CDHR2: variants seen among roughly 807,000 people sequenced by gnomAD.
The protein encoded by CDHR2 is cadherin related family member 2.
Under a neutral mutation model 138.6 loss-of-function variants are expected in CDHR2, and 104 were observed. That is an observed-to-expected ratio of 0.75 (90% CI 0.64 to 0.88). CDHR2 has a LOEUF of 0.88. Ranked by LOEUF, CDHR2 falls within the 40% of genes least tolerant of loss-of-function variation. The pLI, the probability that CDHR2 is intolerant of heterozygous loss-of-function variation, is 0.00. For missense variants in CDHR2, 1,624 were observed against 1,727.6 expected, an observed-to-expected ratio of 0.94 and a Z score of 1.06; for synonymous variants, 755 against 742.8, an observed-to-expected ratio of 1.02 and a Z score of -0.27.
downstream of CDHR2, chr5:176,595,967 T>C (rs985112080): frequency 3.3e-5 from 9 of 276,032 alleles, no homozygotes; most frequent in African/African-American, 1.3e-4. Flanking sequence ...ACTGTGGTTA[T>C]AGAATGAGCT....
At chr5:176,581,218 C>T (rs1758520886) in intron 16 of CDHR2, 125 bp from the exon 17 acceptor site, 1 of 1,283,266 alleles carries the variant, frequency 7.8e-7, no homozygotes, top group Admixed American at 2.4e-5. Flanking sequence ...GAGATGGGCC[C>T]AGGGGCTCCA....
At chr5:176,546,156 G>A (rs955709365), upstream of CDHR2, among the ~76,000 whole-genome samples, 2 of 152,194 alleles carry the variant, frequency 1.3e-5, no homozygotes, top group Non-Finnish European at 2.9e-5. Context: ...AGCCACCAGC[G>A]ATGACTAGTG....
In CDHR2 at chr5:176,577,391, C is replaced by A. The variant is rs373539658; in HGVS notation, c.1195-8C>A. 2 of 1,604,166 alleles carry A rather than the reference C, an allele frequency of 1.2e-6. No individual in the cohort carries two copies. The highest frequency in any genetic ancestry group is 1.3e-5 in the African/African-American group (1 of 75,006). ...GACAGGTCCCTGCTAGACAGCCCAC[C>A]TTTACAGGGCAGCAATGGCACCTTC... On this transcript the variant is annotated splice_region_variant and splice_polypyrimidine_tract_variant and intron_variant, in intron 12 of 31. Coordinates refer to ENST00000261944, the MANE Select transcript of CDHR2 (RefSeq NM_017675.6).
chr5:176,559,799 C>T (rs1397318002), intron 1 of CDHR2, among the ~76,000 whole-genome samples: 1 of 152,138 alleles, frequency 6.6e-6, no homozygotes, highest in Non-Finnish European at 1.5e-5. Flanking sequence ...CATCTGGCCC[C>T]TCCCCCATCA....
In CDHR2 at chr5:176,553,128, G is replaced by A. The variant is rs1268029464; in HGVS notation, c.-16+3714G>A. ...AAGGGGCTGTAGGGGGAGGCGCCTC[G>A]GGGACTGGGTGAAGGTCCTGGTTCG... On this transcript the variant is annotated intron_variant, in intron 1 of 31. Transcript: ENST00000261944. This position sits in a 1 kb window ranked among gnomAD's most constrained non-coding sequence, Gnocchi z 4.3. Among the ~76,000 whole-genome samples the A allele has an allele frequency of 6.6e-6, 1 of 152,104 alleles. No homozygotes were observed. The highest frequency in any genetic ancestry group is 1.9e-4 in the East Asian group (1 of 5,190).
chr5:176,578,744 C>G (rs759478564), intron 16 of CDHR2, 136 bp downstream of exon 16: 58 of 1,236,918 alleles, frequency 4.7e-5, no homozygotes, highest in Non-Finnish European at 5.8e-5. Context: ...CTGTTTCCTC[C>G]CAGGAAATGA....
chr5:176,575,545 A>C lies in CDHR2; in HGVS notation c.808A>C (p.Lys270Gln). The change falls in exon 10 of 32, where the codon AAA becomes CAA. Residue 270 changes from lysine to glutamine, a missense_variant. Around this residue, in one of 3 missense-constraint regions of CDHR2, gnomAD observed 1,061 missense variants for 1,136.6 expected, o/e 0.93. Transcript: ENST00000261944. ...VLTVEAVDGD[K>Q]GINDPVIYSI... The stretch of plus-strand genomic sequence containing the variant: ...GACGGTGGAGGCTGTGGATGGCGAC[A>C]AAGGCATCAATGACCCTGTGATCTA... 1.2e-6 allele frequency: 2 copies of C among 1,614,158 alleles called. No individual in the cohort carries two copies. The highest frequency in any genetic ancestry group is 8.5e-7 in the Non-Finnish European group (1 of 1,180,018).
At position 176,584,262 on chromosome 5, in the gene CDHR2, A is replaced by G. The variant is rs368892721; in HGVS notation, c.2128+3A>G. 1.2e-6 allele frequency: 2 copies of G among 1,613,680 alleles called. No individual in the cohort carries two copies. The highest frequency in any genetic ancestry group is 2.2e-5 in the East Asian group (1 of 44,876). On this transcript the variant is annotated splice_donor_region_variant and intron_variant, in intron 18 of 31. Coordinates refer to ENST00000261944, the MANE Select transcript of CDHR2 (RefSeq NM_017675.6). Reference sequence around the variant, plus strand: ...TACGGTGAAGGAGGAGGATCCAGGTATGTGCTCCCTGGGCCAGGAGAGACA... The same window carrying G: ...TACGGTGAAGGAGGAGGATCCAGGTGTGTGCTCCCTGGGCCAGGAGAGACA...
chr5:176,590,269 T>C lies in CDHR2; in HGVS notation c.3292T>C (p.Tyr1098His). ...DSAARARPHS[Y>H]LDAYFVFPNG... ...CCGCTCCAGGGCCCGACCTCACTCC[T>C]ACCTCGATGCCTACTTTGTCTTCCC... The change falls in exon 26 of 32, where the codon TAC becomes CAC. Residue 1098 changes from tyrosine (Y) to histidine (H), a missense_variant. Tyr to His is a moderately conservative substitution (Grantham distance 83). This residue lies in a region of CDHR2 where 556 missense variants were observed against 565.7 expected (regional missense o/e 0.98). Transcript: ENST00000261944. 6.2e-7 allele frequency: 1 copy of C among 1,614,192 alleles called. No homozygotes were observed.
At chr5:176,569,501 C>T (rs954238553) in intron 5 of CDHR2, among the ~76,000 whole-genome samples, 1 of 152,062 alleles carries the variant, frequency 6.6e-6, no homozygotes, top group African/African-American at 2.4e-5. Context: ...CCAGGATGGT[C>T]TTGATCTCCT....
intron 1 of CDHR2, among the ~76,000 whole-genome samples, chr5:176,564,434 C>A (rs562278540): frequency 2.2e-4 from 33 of 152,264 alleles, no homozygotes; most frequent in African/African-American, 7.9e-4. Context: ...GTGATCCGCC[C>A]GCCTCGGCCT....
At chr5:176,582,233 T>C (rs1428885499) in intron 17 of CDHR2, among the ~76,000 whole-genome samples, 1 of 152,046 alleles carries the variant, frequency 6.6e-6, no homozygotes, top group African/African-American at 2.4e-5. Flanking sequence ...TTGCCCAGGC[T>C]GGTCTTGAAC....
chr5:176,577,899 C>A, intron 14 of CDHR2, 101 bp downstream of exon 14: 2 of 1,490,418 alleles, frequency 1.3e-6, no homozygotes, highest in Non-Finnish European at 1.8e-6. Context: ...ATGGGGGTGG[C>A]CATGAGTGAA....
rs558584847 is a variant in CDHR2, at chr5:176,578,557, C to T, written c.1767C>T (p.Ser589=). 3.1e-6 allele frequency: 5 copies of T among 1,613,996 alleles called. No individual in the cohort carries two copies. Among genetic ancestry groups the T allele is most frequent in the East Asian group, 4.5e-5 (2 of 44,886 alleles). The change falls in exon 16 of 32, where the codon TCC becomes TCT. Residue 589 remains serine, a synonymous_variant. Coordinates refer to ENST00000261944, the MANE Select transcript of CDHR2 (RefSeq NM_017675.6). Reference sequence around the variant, plus strand: ...ACAATGCACCCGTGGTTAGCGGCTCCTACAACATCTTCGTCCAGGAGGAGG... The same window carrying T: ...ACAATGCACCCGTGGTTAGCGGCTCTTACAACATCTTCGTCCAGGAGGAGG... The part of the protein sequence containing the change: ...INDNAPVVSG[S]YNIFVQEEEG...
chr5:176,582,000 T>C (rs1336226945), intron 17 of CDHR2, among the ~76,000 whole-genome samples: 1 of 152,160 alleles, frequency 6.6e-6, no homozygotes, highest in Non-Finnish European at 1.5e-5. Flanking sequence ...TTATTACCAT[T>C]TTGTTTTTAT....
chr5:176,589,106 G>C lies in CDHR2; in HGVS notation c.2932G>C (p.Gly978Arg). The change falls in exon 22 of 32, where the codon GGG becomes CGG. Residue 978 changes from glycine to arginine, a missense_variant. Physicochemically the swap from Gly to Arg is moderately radical, Grantham distance 125. Around this residue, in one of 3 missense-constraint regions of CDHR2, gnomAD observed 556 missense variants for 565.7 expected, o/e 0.98. Transcript: ENST00000261944. ...ILRVDFISKD[G>R]ATIPFQGVFS... ...CCGAGTAGACTTCATCTCTAAGGAC[G>C]GGGCCACCATCCCTTTCCAGGGTGT... 6.2e-7 allele frequency: 1 copy of C among 1,614,098 alleles called. No homozygotes were observed. The highest frequency in any genetic ancestry group is 8.5e-7 in the Non-Finnish European group (1 of 1,179,990).
chr5:176,548,403 G>T (rs1757630341), upstream of CDHR2, among the ~76,000 whole-genome samples: 1 of 152,240 alleles, frequency 6.6e-6, no homozygotes, highest in African/African-American at 2.4e-5. Flanking sequence ...AAGGACTTGT[G>T]GCTGAGCCCC....
chr5:176,550,461 G>A (rs575131958), intron 1 of CDHR2, among the ~76,000 whole-genome samples: 9 of 152,298 alleles, frequency 5.9e-5, no homozygotes, highest in Admixed American at 2.0e-4. Context: ...GTGCAGGCAC[G>A]GCCTCCTGGA....
intron 30 of CDHR2, 29 bp from the exon 31 acceptor site, chr5:176,592,694 A>G: frequency 6.2e-7 from 1 of 1,611,186 alleles, no homozygotes; most frequent in East Asian, 2.2e-5. Context: ...GGGCCTGCCA[A>G]CACCTGAGCT....
Sources: allele counts gnomAD v4.1 joint callset (sites outside exome capture counted in the v4.1 genomes callset), GRCh38; gene constraint gnomAD v4.1.1; regional missense constraint gnomAD v4.1.1; non-coding constraint Gnocchi (gnomAD v3.1); transcripts MANE v1.5; gene names NCBI Gene and HGNC (gene_info 2026-07-23, HGNC 2026-07-21).